ZNF469: variants seen among roughly 807,000 people sequenced by gnomAD.
ZNF469 encodes the protein zinc finger protein 469.
ZNF469 carries 1 observed loss-of-function variant against 1.0 expected under a neutral mutation model. The ratio of observed to expected loss-of-function variants is 1.00; its 90% CI spans 0.35 to 4.73. The LOEUF is 4.73. ZNF469 is among the 30% of genes most tolerant of loss of function. The pLI is 0.16. For synonymous variants in ZNF469, 2,703 were observed against 2,363.4 expected (o/e 1.14, Z -4.17); for missense variants, 6,100 against 5,356.3 (o/e 1.14, Z -4.33).
the ZNF469 span, among the ~76,000 whole-genome samples, chr16:88,136,096 T>C: frequency 1.3e-3 from 196 of 152,140 alleles, 1 homozygote; most frequent in Non-Finnish European, 2.1e-3. Flanking sequence ...TGGACAAAGG[T>C]CCCCCAGTTG....
Position 88,427,971 on chromosome 16 carries a change from A to G in ZNF469, c.501A>G (p.Pro167=), listed in dbSNP as rs1278675936. ...GTGAPLRPGL[P]RTEAQPAAEE... Reference sequence around the variant, plus strand: ...GAGCTCCACTCAGGCCGGGCCTCCCAAGGACTGAGGCCCAACCCGCCGCCG... The same window carrying G: ...GAGCTCCACTCAGGCCGGGCCTCCCGAGGACTGAGGCCCAACCCGCCGCCG... Residue 167 remains proline, a synonymous_variant, in exon 3 of 3, where the codon CCA becomes CCG. Coordinates refer to ENST00000565624, the MANE Select transcript of ZNF469 (RefSeq NM_001367624.2). The G allele has an allele frequency of 6.5e-7, 1 of 1,549,872 alleles. No individual in the cohort carries two copies. The highest frequency in any genetic ancestry group is 2.0e-5 in the Admixed American group (1 of 50,996).
the ZNF469 span, among the ~76,000 whole-genome samples, chr16:88,295,389 C>G: frequency 8.8e-6 from 1 of 114,222 alleles, no homozygotes; most frequent in Non-Finnish European, 1.8e-5. Flanking sequence ...CTCGGGCCCC[C>G]AGGACGTGGC....
the ZNF469 span, among the ~76,000 whole-genome samples, chr16:88,166,949 C>G: frequency 6.6e-6 from 1 of 151,686 alleles, no homozygotes; most frequent in East Asian, 1.9e-4. This position sits in a 1 kb window ranked among gnomAD's most constrained non-coding sequence, Gnocchi z 4.5. Flanking sequence ...TAGGGGCTGG[C>G]GAGCTCACGG....
the ZNF469 span, among the ~76,000 whole-genome samples, chr16:88,129,877 AAAG>A: frequency 6.6e-6 from 1 of 152,184 alleles, no homozygotes; most frequent in African/African-American, 2.4e-5. Context: ...AAAAAAAGAA[AAAG>A]AAGGCTATTG....
chr16:88,188,596 A>G, the ZNF469 span, among the ~76,000 whole-genome samples: 1 of 152,160 alleles, frequency 6.6e-6, no homozygotes, highest in Non-Finnish European at 1.5e-5. Flanking sequence ...GTCCCCAGGC[A>G]CCACTGCCAG....
chr16:88,429,053 C>G lies in ZNF469; in HGVS notation c.1583C>G (p.Pro528Arg). ...GCCCTGGGCACTGCTGGCAAGACAC[C>G]GGGACCCAGAGAGAAGCTGCCAGCC... ...QGALGTAGKTPGPREKLPAVR... is the reference protein window; with the variant it reads ...QGALGTAGKTRGPREKLPAVR... Residue 528 changes from proline to arginine, a missense_variant, in exon 3 of 3, where the codon CCG (proline) becomes CGG (arginine). Transcript: ENST00000565624. The G allele has an allele frequency of 6.5e-7, 1 of 1,549,926 alleles. No individual in the cohort carries two copies. Among genetic ancestry groups the G allele is most frequent in the African/African-American group, 1.4e-5 (1 of 73,138 alleles).
At chr16:88,205,931 G>A in the ZNF469 span, among the ~76,000 whole-genome samples, 1 of 151,618 alleles carries the variant, frequency 6.6e-6, no homozygotes, top group South Asian at 2.1e-4. This position sits in a 1 kb window ranked among gnomAD's most constrained non-coding sequence, Gnocchi z 4.2. Flanking sequence ...TGGAGAACTG[G>A]GGAGCAGTGG....
chr16:88,173,028 G>C, the ZNF469 span, among the ~76,000 whole-genome samples: 1 of 152,344 alleles, frequency 6.6e-6, no homozygotes, highest in South Asian at 2.1e-4. Flanking sequence ...AAAGAGAAGA[G>C]AGGCAGGGAC....
chr16:88,273,872 T>C, the ZNF469 span, among the ~76,000 whole-genome samples: 3 of 149,840 alleles, frequency 2.0e-5, no homozygotes, highest in Non-Finnish European at 4.4e-5. Flanking sequence ...TGGCGCGATC[T>C]CGGCTCACTG....
the ZNF469 span, among the ~76,000 whole-genome samples, chr16:88,155,585 T>G: frequency 6.6e-6 from 1 of 152,248 alleles, no homozygotes; most frequent in African/African-American, 2.4e-5. Context: ...GCCTGTGGCC[T>G]CTTTCACTCC....
chr16:88,332,713 G>C, the ZNF469 span, among the ~76,000 whole-genome samples: 1 of 152,220 alleles, frequency 6.6e-6, no homozygotes, highest in Non-Finnish European at 1.5e-5. Context: ...TGGGCAGGAT[G>C]GGGGAGGGGG....
the ZNF469 span, among the ~76,000 whole-genome samples, chr16:88,251,251 G>T: frequency 6.6e-6 from 1 of 152,288 alleles, no homozygotes; most frequent in Non-Finnish European, 1.5e-5. Context: ...AACTCTCTCT[G>T]TGAAACCCAT....
the ZNF469 span, among the ~76,000 whole-genome samples, chr16:88,326,709 A>C: frequency 0.058 from 8,737 of 151,510 alleles, 314 homozygotes; most frequent in East Asian, 0.13. Flanking sequence ...GACTCATGGG[A>C]CCCCCGCTGT....
chr16:88,234,546 G>A, the ZNF469 span, among the ~76,000 whole-genome samples: 1 of 152,200 alleles, frequency 6.6e-6, no homozygotes, highest in Non-Finnish European at 1.5e-5. Context: ...CTCGCAGCGC[G>A]GACCAGGGCT....
At chr16:88,133,384 A>G in the ZNF469 span, among the ~76,000 whole-genome samples, 4,305 of 150,930 alleles carry the variant, frequency 0.029, no homozygotes, top group African/African-American at 0.098. Context: ...CTCCCTGTCA[A>G]GCAGCCCCTG....
chr16:88,351,691 C>T, the ZNF469 span, among the ~76,000 whole-genome samples: 41 of 152,192 alleles, frequency 2.7e-4, no homozygotes, highest in Non-Finnish European at 5.6e-4. Context: ...GTGGAGGCCC[C>T]CACCCCCACC....
At chr16:88,245,632 C>T in the ZNF469 span, among the ~76,000 whole-genome samples, 19 of 152,234 alleles carry the variant, frequency 1.2e-4, no homozygotes, top group East Asian at 5.8e-4. Flanking sequence ...GCCCAAATCC[C>T]GAAGAGGGGA....
chr16:88,195,707 T>A, the ZNF469 span, among the ~76,000 whole-genome samples: 1 of 152,210 alleles, frequency 6.6e-6, no homozygotes, highest in Non-Finnish European at 1.5e-5. Flanking sequence ...GGGCTCTTGC[T>A]CTGAGACCTC....
intron 1 of ZNF469, among the ~76,000 whole-genome samples, chr16:88,415,914 G>A (rs1028786809): frequency 2.6e-5 from 4 of 152,226 alleles, no homozygotes; most frequent in African/African-American, 7.2e-5. Flanking sequence ...CACGCAGCCC[G>A]GCCCCTCCCA....
Sources: allele counts gnomAD v4.1 joint callset (sites outside exome capture counted in the v4.1 genomes callset), GRCh38; gene constraint gnomAD v4.1.1; non-coding constraint Gnocchi (gnomAD v3.1); transcripts MANE v1.5; gene names NCBI Gene and HGNC (gene_info 2026-07-23, HGNC 2026-07-21).